ST6GALNAC3: variants seen among roughly 807,000 people sequenced by gnomAD.
ST6GALNAC3 encodes the protein alpha-N-acetylgalactosaminide alpha-2,6-sialyltransferase 3.
ST6GALNAC3 carries 25 observed loss-of-function variants against 32.7 expected under a neutral mutation model. The ratio of observed to expected loss-of-function variants is 0.76; its 90% confidence interval spans 0.56 to 1.07. The LOEUF is 1.07. Among genes scored for constraint, ST6GALNAC3 ranks in the 50% least tolerant of loss-of-function variants. ST6GALNAC3 has a pLI of 0.00. For synonymous variants in ST6GALNAC3, 129 were observed against 133.1 expected, an observed-to-expected ratio of 0.97 and a Z score of 0.21; for missense variants, 355 against 382.4, an observed-to-expected ratio of 0.93 and a Z score of 0.60.
chr1:76,186,434 T>C (rs933593525), intron 1 of ST6GALNAC3, among the ~76,000 whole-genome samples: 6 of 152,258 alleles, frequency 3.9e-5, no homozygotes, highest in Non-Finnish European at 5.9e-5. Flanking sequence ...GGGCTTTTCC[T>C]CCTTCATTCC....
intron 2 of ST6GALNAC3, among the ~76,000 whole-genome samples, chr1:76,411,174 A>G (rs1231273610): frequency 3.3e-5 from 5 of 152,312 alleles, no homozygotes; most frequent in African/African-American, 1.2e-4. Flanking sequence ...GAAAGCAAGG[A>G]ATAACGGAAA....
intron 3 of ST6GALNAC3, among the ~76,000 whole-genome samples, chr1:76,496,340 A>C (rs1044848772): frequency 3.3e-5 from 5 of 152,174 alleles, no homozygotes; most frequent in African/African-American, 1.2e-4. Context: ...TGTAACCATC[A>C]CAAAAGGGTA....
At chr1:76,628,566 T>G (rs1649120677) in intron 4 of ST6GALNAC3, 54 bp from the exon 5 acceptor site, 1 of 1,471,026 alleles carries the variant, frequency 6.8e-7, no homozygotes, top group Non-Finnish European at 9.0e-7. Context: ...TGTAAATGAG[T>G]GCTTCATTCT....
Position 76,627,458 on chromosome 1 carries a change from G to A in ST6GALNAC3, c.630G>A (p.Gln210=). The A allele has an allele frequency of 6.2e-7, 1 of 1,609,372 alleles. No individual in the cohort carries two copies. Among genetic ancestry groups the A allele is most frequent in the Non-Finnish European group, 8.5e-7 (1 of 1,176,178 alleles). ...FKKETGKDRV[Q]SGSYLSTGWF... ...TTGTTTTCATTTCCCTCAGAGTCCA[G>A]TCTGGCTCATATCTCAGCACAGGGT... is the stretch of plus-strand genomic sequence containing the variant. Residue 210 remains glutamine, a synonymous_variant, in exon 4 of 5, where the codon CAG becomes CAA. Transcript: ENST00000328299.
At chr1:76,543,234 GA>G (rs1664097596) in intron 3 of ST6GALNAC3, among the ~76,000 whole-genome samples, 1 of 152,148 alleles carries the variant, frequency 6.6e-6, no homozygotes, top group South Asian at 2.1e-4. Context: ...CTTGTTTTTA[GA>G]CAGGAATATC....
intron 2 of ST6GALNAC3, among the ~76,000 whole-genome samples, chr1:76,398,780 G>T (rs370956357): frequency 6.6e-6 from 1 of 152,080 alleles, no homozygotes; most frequent in Non-Finnish European, 1.5e-5. Context: ...ATACATTCAG[G>T]TATACAGTAG....
intron 2 of ST6GALNAC3, among the ~76,000 whole-genome samples, chr1:76,390,157 GGTTTT>G (rs1468085123): frequency 7.9e-5 from 12 of 151,798 alleles, no homozygotes; most frequent in African/African-American, 2.9e-4. Flanking sequence ...AGTTTTTATG[GGTTTT>G]GTTTTGTTTT....
intron 3 of ST6GALNAC3, among the ~76,000 whole-genome samples, chr1:76,587,821 G>A (rs749221543): frequency 1.3e-5 from 2 of 152,180 alleles, no homozygotes; most frequent in Non-Finnish European, 2.9e-5. Flanking sequence ...CTGAAGGCTG[G>A]GATTGGTGAG....
chr1:76,286,479 C>T (rs1211193346), intron 1 of ST6GALNAC3, among the ~76,000 whole-genome samples: 6 of 152,200 alleles, frequency 3.9e-5, no homozygotes, highest in East Asian at 1.9e-4. Flanking sequence ...CTACATCGGA[C>T]GCCAGTCTCC....
chr1:76,488,069 A>G (rs1292212977), intron 3 of ST6GALNAC3, among the ~76,000 whole-genome samples: 4 of 152,188 alleles, frequency 2.6e-5, no homozygotes, highest in African/African-American at 9.6e-5. Context: ...CCTGGGAAGA[A>G]GAGTGATATA....
chr1:76,080,008 C>T (rs1010332056), intron 1 of ST6GALNAC3, among the ~76,000 whole-genome samples: 2 of 152,180 alleles, frequency 1.3e-5, no homozygotes, highest in Non-Finnish European at 2.9e-5. Context: ...GGAGCCGCGG[C>T]CTTCCAGTGT....
At chr1:76,097,115 C>T (rs950035257) in intron 1 of ST6GALNAC3, among the ~76,000 whole-genome samples, 3 of 152,252 alleles carry the variant, frequency 2.0e-5, no homozygotes, top group Non-Finnish European at 4.4e-5. Context: ...GACACGGTTT[C>T]GCCATGTTGG....
chr1:76,195,143 A>G (rs1654124247), intron 1 of ST6GALNAC3, among the ~76,000 whole-genome samples: 1 of 152,200 alleles, frequency 6.6e-6, no homozygotes, highest in East Asian at 1.9e-4. Context: ...TTGCTTGAAA[A>G]CAAGGTTTTT....
At chr1:76,260,319 G>T (rs148872694) in intron 1 of ST6GALNAC3, among the ~76,000 whole-genome samples, 3 of 152,186 alleles carry the variant, frequency 2.0e-5, no homozygotes, top group Middle Eastern at 3.2e-3. Flanking sequence ...AGCCTTAAGC[G>T]TATTCTTTGT....
chr1:76,557,050 G>A (rs1664969485), intron 3 of ST6GALNAC3, among the ~76,000 whole-genome samples: 1 of 147,070 alleles, frequency 6.8e-6, no homozygotes, highest in Admixed American at 6.7e-5. Flanking sequence ...TTTGTGAATG[G>A]TGTGAGGAAG....
intron 3 of ST6GALNAC3, among the ~76,000 whole-genome samples, chr1:76,535,649 A>G (rs1228971934): frequency 6.6e-6 from 1 of 152,220 alleles, no homozygotes; most frequent in Non-Finnish European, 1.5e-5. Context: ...TGAATTTATT[A>G]ATATCATATG....
intron 2 of ST6GALNAC3, among the ~76,000 whole-genome samples, chr1:76,395,576 TAC>T (rs544437198): frequency 6.6e-5 from 10 of 151,652 alleles, no homozygotes; most frequent in Admixed American, 2.6e-4. Flanking sequence ...AAGAAAACGT[TAC>T]ACACACACAC....
chr1:76,270,057 C>A (rs939264476), intron 1 of ST6GALNAC3, among the ~76,000 whole-genome samples: 21 of 152,048 alleles, frequency 1.4e-4, no homozygotes, highest in Admixed American at 1.3e-4. Flanking sequence ...TCCATACCCC[C>A]CAAATAGTGG....
intron 2 of ST6GALNAC3, among the ~76,000 whole-genome samples, chr1:76,323,824 C>T (rs1397014221): frequency 1.3e-5 from 2 of 151,732 alleles, no homozygotes; most frequent in South Asian, 2.1e-4. Context: ...ACATGTTTTC[C>T]AAATTTTCTA....
Sources: allele counts gnomAD v4.1 joint callset (sites outside exome capture counted in the v4.1 genomes callset), GRCh38; gene constraint gnomAD v4.1.1; transcripts MANE v1.5; gene names NCBI Gene and HGNC (gene_info 2026-07-23, HGNC 2026-07-21).